USP49: variants seen among roughly 807,000 people sequenced by gnomAD.
USP49 encodes the protein ubiquitin carboxyl-terminal hydrolase 49.
Under a neutral mutation model 58.6 loss-of-function variants are expected in USP49, and 24 were observed. That is an observed-to-expected ratio of 0.41 (90% CI 0.30 to 0.58). The LOEUF (loss-of-function observed/expected upper bound fraction) is 0.58, where lower values mean the gene tolerates loss of function less well. USP49 is among the 20% of genes least tolerant of loss of function. The pLI, the probability that USP49 is intolerant of heterozygous loss-of-function variation, is 0.30. For synonymous variants in USP49, 408 were observed against 365.1 expected, an observed-to-expected ratio of 1.12 and a Z score of -1.34; for missense variants, 703 against 866.1, an observed-to-expected ratio of 0.81 and a Z score of 2.36.
intron 3 of USP49, among the ~76,000 whole-genome samples, chr6:41,867,946 T>C (rs1192898086): frequency 1.3e-5 from 2 of 152,218 alleles, no homozygotes; most frequent in African/African-American, 2.4e-5. Context: ...AGATACATGA[T>C]TTCAAATTTT....
chr6:41,800,903 T>C (rs1158481355), intron 5 of USP49, among the ~76,000 whole-genome samples: 1 of 152,256 alleles, frequency 6.6e-6, no homozygotes, highest in Admixed American at 6.5e-5. Flanking sequence ...TAAAAGCACA[T>C]TGCTGGACAT....
At chr6:41,837,539 C>T (rs1773749380) in intron 3 of USP49, among the ~76,000 whole-genome samples, 1 of 152,008 alleles carries the variant, frequency 6.6e-6, no homozygotes, top group Non-Finnish European at 1.5e-5. Flanking sequence ...GGACACAGGC[C>T]CTGGCAAAGA....
intron 2 of USP49, among the ~76,000 whole-genome samples, chr6:41,891,558 A>T (rs1247256221): frequency 1.3e-5 from 2 of 152,242 alleles, no homozygotes; most frequent in Non-Finnish European, 2.9e-5. Flanking sequence ...ACTATTATTA[A>T]GTTTATGAAG....
intron 2 of USP49, among the ~76,000 whole-genome samples, chr6:41,879,440 A>G (rs534103278): frequency 1.9e-4 from 29 of 151,662 alleles, no homozygotes; most frequent in Middle Eastern, 3.4e-3. Flanking sequence ...GTCTTTCTAT[A>G]TTAAGGGGAA....
At chr6:41,846,749 C>T (rs1388018931) in intron 3 of USP49, among the ~76,000 whole-genome samples, 2 of 148,974 alleles carry the variant, frequency 1.3e-5, no homozygotes, top group African/African-American at 5.0e-5. Flanking sequence ...TGTAGCATAG[C>T]ACAGAGCAAG....
At chr6:41,866,306 T>C (rs994248661) in intron 3 of USP49, among the ~76,000 whole-genome samples, 1 of 152,156 alleles carries the variant, frequency 6.6e-6, no homozygotes, top group Non-Finnish European at 1.5e-5. Context: ...ACACCAGTGC[T>C]ATCAACTCTG....
chr6:41,892,280 A>C (rs1350017890), intron 1 of USP49, among the ~76,000 whole-genome samples: 1 of 152,216 alleles, frequency 6.6e-6, no homozygotes, highest in Non-Finnish European at 1.5e-5. Flanking sequence ...TTGAGCATTA[A>C]ACAATTACAA....
intron 3 of USP49, among the ~76,000 whole-genome samples, chr6:41,861,933 C>T (rs1394490555): frequency 6.6e-6 from 1 of 152,092 alleles, no homozygotes; most frequent in Non-Finnish European, 1.5e-5. Flanking sequence ...ACTCCTGTCC[C>T]TCAGGCAATC....
At position 41,806,336 on chromosome 6, in the gene USP49, G is replaced by C. The variant is rs760134531; in HGVS notation, c.648C>G (p.Pro216=). ...GCGAGGCAGCCGGGCCCGCGTCGCG[G>C]GGCGTGTGCAGGAGCAGCCGTGCAC... ...RKSARLLLHT[P]RDAGPAASRP... is the part of the protein sequence containing the mutation. Residue 216 remains proline, a synonymous_variant, in exon 4 of 8, where the codon CCC becomes CCG. Transcript: ENST00000682992. This position sits in a 1 kb window ranked among gnomAD's most constrained non-coding sequence, Gnocchi z 5.9. The C allele has an allele frequency of 4.6e-5, 71 of 1,530,588 alleles. No homozygotes were observed. The highest frequency in any genetic ancestry group is 5.7e-5 in the Non-Finnish European group (66 of 1,149,936). The allele number at this position is 1,530,588 out of a possible 1,614,324, so 94.8% of individuals were successfully genotyped here.
In USP49 at chr6:41,806,356, G is replaced by T. The variant is rs763445110; in HGVS notation, c.628C>A (p.Arg210=). 5 of 1,532,856 alleles carry T rather than the reference G, an allele frequency of 3.3e-6. No individual in the cohort carries two copies. Among genetic ancestry groups the T allele is most frequent in the Non-Finnish European group, 4.3e-6 (5 of 1,151,148 alleles). The allele number at this position is 1,532,856 out of a possible 1,614,324, so 95.0% of individuals were successfully genotyped here. The change falls in exon 4 of 8, where the codon CGG becomes AGG. Residue 210 remains arginine (R), a synonymous_variant. Coordinates refer to ENST00000682992, the MANE Select transcript of USP49 (RefSeq NM_001286554.2). This position sits in a 1 kb window ranked among gnomAD's most constrained non-coding sequence, Gnocchi z 5.9. ...TCGCGGGGCGTGTGCAGGAGCAGCC[G>T]TGCACTCTTGCGCGGAGGGGTGCTG... ...LASTPPRKSA[R]LLLHTPRDAG... is the part of the protein sequence containing the mutation.
chr6:41,808,283 ATGCTTT>A (rs1773179201), intron 3 of USP49, among the ~76,000 whole-genome samples: 1 of 152,140 alleles, frequency 6.6e-6, no homozygotes, highest in Admixed American at 6.6e-5. Flanking sequence ...ATATATGAAA[ATGCTTT>A]TTAAAACAGT....
At chr6:41,842,197 T>C (rs1024761458) in intron 3 of USP49, among the ~76,000 whole-genome samples, 1 of 151,776 alleles carries the variant, frequency 6.6e-6, no homozygotes, top group Admixed American at 6.6e-5. Context: ...AATAATTATG[T>C]GCATGGTAGG....
At position 41,806,809 on chromosome 6, in the gene USP49, C is replaced by CA; in HGVS notation, c.174dup (p.Glu59Ter). On this transcript the variant is annotated frameshift_variant, in exon 4 of 8. Transcript: ENST00000682992. LOFTEE classifies it high-confidence loss of function. The surrounding 1 kb of genome is among the most constrained non-coding windows in gnomAD (Gnocchi z 5.9). Reference sequence around the variant, plus strand: ...ATGGCTAGCGGGTGTCCCGTCTCCTCAAAGTGTTTCAGGGCGTGGTCCTCA... The same window carrying CA: ...ATGGCTAGCGGGTGTCCCGTCTCCTCAAAAGTGTTTCAGGGCGTGGTCCTCA... The CA allele has an allele frequency of 1.2e-6, 2 of 1,614,188 alleles. No homozygotes were observed. The highest frequency in any genetic ancestry group is 1.7e-6 in the Non-Finnish European group (2 of 1,180,034).
At chr6:41,893,029 A>G (rs1774835350) in intron 1 of USP49, among the ~76,000 whole-genome samples, 2 of 152,228 alleles carry the variant, frequency 1.3e-5, no homozygotes, top group African/African-American at 2.4e-5. Context: ...AAAAGCTTCT[A>G]GAAAATTAGT....
chr6:41,834,531 G>A (rs556406068), intron 3 of USP49, among the ~76,000 whole-genome samples: 4 of 152,172 alleles, frequency 2.6e-5, no homozygotes, highest in African/African-American at 9.7e-5. Flanking sequence ...GGCCTGGTGG[G>A]AGGTGACTGG....
In USP49 at chr6:41,794,960, C is replaced by G. The variant is rs1373885086; in HGVS notation, c.*1573G>C. 1.3e-5 allele frequency: 2 copies of G among 152,196 alleles called. No homozygotes were observed. Among genetic ancestry groups the G allele is most frequent in the Non-Finnish European group, 2.9e-5 (2 of 68,036 alleles). The allele number at this position is 152,196 out of a possible 1,614,324, so 9.4% of individuals were successfully genotyped here. A position where few individuals can be genotyped will look rare whatever the true frequency, so the allele number is the denominator to read the frequency against. ...TCTCAAAAGAGGTCAACAGCAAATG[C>G]TACAGATCTGTGTGGGAAATGTGGC... is the stretch of plus-strand genomic sequence containing the variant. On this transcript the variant is annotated 3_prime_UTR_variant, in exon 8 of 8. Coordinates refer to ENST00000682992, the MANE Select transcript of USP49 (RefSeq NM_001286554.2).
At chr6:41,816,359 T>C (rs1773349992) in intron 3 of USP49, among the ~76,000 whole-genome samples, 2 of 152,204 alleles carry the variant, frequency 1.3e-5, no homozygotes, top group South Asian at 2.1e-4. Flanking sequence ...TCATTAACCT[T>C]TTCTCAGTCC....
At chr6:41,827,615 G>A (rs1016664345) in intron 3 of USP49, among the ~76,000 whole-genome samples, 2 of 136,832 alleles carry the variant, frequency 1.5e-5, no homozygotes, top group African/African-American at 5.6e-5. Context: ...AGCCAAGATC[G>A]CACCACTACC....
chr6:41,839,981 T>C (rs1191721413), intron 3 of USP49, among the ~76,000 whole-genome samples: 1 of 151,984 alleles, frequency 6.6e-6, no homozygotes, highest in African/African-American at 2.4e-5. Context: ...CCAAAAACTA[T>C]TGAAATAAAA....
Sources: gnomAD v4.1 joint callset for allele counts (sites outside exome capture counted in the v4.1 genomes callset) on GRCh38, gnomAD v4.1.1 for gene constraint, Gnocchi (gnomAD v3.1) non-coding constraint, MANE v1.5 for transcripts, NCBI Gene and HGNC (gene_info 2026-07-23, HGNC 2026-07-21) for gene names.